The following LGSN variants were observed in gnomAD, a reference collection of about 807,000 sequenced individuals.
The protein encoded by LGSN is lengsin.
In LGSN, 21 loss-of-function variants were observed where a neutral mutation model predicts 19.5. That is an observed-to-expected ratio of 1.07 (90% CI 0.76 to 1.55). LGSN has a LOEUF of 1.55. Ranked by LOEUF, LGSN falls within the 40% of genes most tolerant of loss-of-function variation. The probability of loss-of-function intolerance (pLI) is 0.00; values close to 1 mark genes in which losing one functional copy is unlikely to be tolerated. For synonymous variants in LGSN, 257 were observed against 215.6 expected (o/e 1.19, Z -1.68); for missense variants, 673 against 608.5 (o/e 1.11, Z -1.12).
At chr6:63,412,761 A>AAGAC in the LGSN span, among the ~76,000 whole-genome samples, 3 of 20,052 alleles carry the variant, frequency 1.5e-4, 1 homozygote, top group African/African-American at 4.9e-4. Context: ...GAAAGAAAGA[A>AAGAC]AGAAAGAAAG....
the LGSN span, among the ~76,000 whole-genome samples, chr6:63,525,753 G>C: frequency 6.6e-6 from 1 of 152,086 alleles, no homozygotes; most frequent in African/African-American, 2.4e-5. Flanking sequence ...CTTTCCCTGT[G>C]TATTTGTTCC....
chr6:63,280,265 T>C lies in LGSN; in HGVS notation c.1286A>G (p.Asp429Gly), dbSNP rs968975103. Reference protein sequence around the residue: ...VLAATVAAGLDGLHSSNEVLA... With the variant: ...VLAATVAAGLGGLHSSNEVLA... ...GACCTCATTACTGCTATGAAGTCCA[T>C]CTAAGCCGGCAGCAACAGTTGCAGC... Residue 429 changes from aspartate (D) to glycine (G), a missense_variant, in exon 4 of 4, where the codon GAT becomes GGT. Transcript: ENST00000370657. The C allele has an allele frequency of 1.9e-6, 3 of 1,614,238 alleles. No individual in the cohort carries two copies. The highest frequency in any genetic ancestry group is 2.5e-6 in the Non-Finnish European group (3 of 1,180,034).
the LGSN span, among the ~76,000 whole-genome samples, chr6:63,477,721 A>G: frequency 1.9e-5 from 1 of 52,900 alleles, no homozygotes; most frequent in African/African-American, 7.0e-5. Context: ...TTTTGTAGAG[A>G]TGGGGTCTCA....
chr6:63,287,083 A>G (rs998599050), intron 2 of LGSN, among the ~76,000 whole-genome samples: 1 of 152,252 alleles, frequency 6.6e-6, no homozygotes, highest in African/African-American at 2.4e-5. Flanking sequence ...ATTAGGCTTT[A>G]AAACTAAGCA....
At chr6:63,382,503 A>G in the LGSN span, among the ~76,000 whole-genome samples, 1 of 152,166 alleles carries the variant, frequency 6.6e-6, no homozygotes, top group Non-Finnish European at 1.5e-5. Context: ...TTCTCTGTTG[A>G]CCACACTATG....
chr6:63,299,458 G>A (rs1427448283), intron 1 of LGSN, among the ~76,000 whole-genome samples: 1 of 152,030 alleles, frequency 6.6e-6, no homozygotes, highest in Non-Finnish European at 1.5e-5. Flanking sequence ...CAATATTTAG[G>A]TCTAAAGTCT....
chr6:63,360,563 A>T, the LGSN span, among the ~76,000 whole-genome samples: 1 of 152,018 alleles, frequency 6.6e-6, no homozygotes, highest in Non-Finnish European at 1.5e-5. Flanking sequence ...CCATTCATCT[A>T]ATCTTAAGGT....
At chr6:63,340,838 T>TTTTTTG in the LGSN span, among the ~76,000 whole-genome samples, 5 of 146,722 alleles carry the variant, frequency 3.4e-5, no homozygotes, top group African/African-American at 1.0e-4. Context: ...TTTTTATGGT[T>TTTTTTG]TGTGTGTGTG....
the LGSN span, among the ~76,000 whole-genome samples, chr6:63,354,414 G>A: frequency 0.011 from 1,704 of 152,038 alleles, 16 homozygotes; most frequent in Non-Finnish European, 0.016. Flanking sequence ...TAATCATCAG[G>A]GAAATGTAAA....
chr6:63,567,702 A>G, the LGSN span, among the ~76,000 whole-genome samples: 4 of 152,350 alleles, frequency 2.6e-5, no homozygotes, highest in East Asian at 7.7e-4. Flanking sequence ...CTGTCCTTCG[A>G]AGCTTTGAAG....
At chr6:63,537,520 G>C in the LGSN span, among the ~76,000 whole-genome samples, 3 of 152,190 alleles carry the variant, frequency 2.0e-5, no homozygotes, top group African/African-American at 7.2e-5. Flanking sequence ...CATTGCCTTA[G>C]AGCGTACCTT....
the LGSN span, among the ~76,000 whole-genome samples, chr6:63,437,190 G>C: frequency 6.9e-6 from 1 of 145,886 alleles, no homozygotes; most frequent in Admixed American, 6.9e-5. Flanking sequence ...GAAGGAGGGA[G>C]GGAGGGAGAC....
chr6:63,550,902 A>G, the LGSN span, among the ~76,000 whole-genome samples: 3 of 152,158 alleles, frequency 2.0e-5, no homozygotes, highest in Admixed American at 6.5e-5. Context: ...TTTGGATTAC[A>G]TGGATGAGCC....
At chr6:63,438,245 T>G in the LGSN span, among the ~76,000 whole-genome samples, 2 of 152,156 alleles carry the variant, frequency 1.3e-5, no homozygotes, top group Non-Finnish European at 2.9e-5. Flanking sequence ...AAACTGTCTC[T>G]ACAAAAAACA....
the LGSN span, among the ~76,000 whole-genome samples, chr6:63,512,729 G>A: frequency 6.6e-6 from 1 of 152,018 alleles, no homozygotes. Context: ...TTGTTAGTAT[G>A]GAAAAAGCAG....
chr6:63,473,659 A>G, the LGSN span, among the ~76,000 whole-genome samples: 2 of 151,650 alleles, frequency 1.3e-5, no homozygotes, highest in Admixed American at 6.6e-5. Context: ...GTTACGAAAC[A>G]GATGAATAAT....
chr6:63,491,574 A>C, the LGSN span, among the ~76,000 whole-genome samples: 2 of 152,250 alleles, frequency 1.3e-5, no homozygotes, highest in African/African-American at 4.8e-5. Context: ...TGGGCAGAAG[A>C]CACAAAAGAA....
chr6:63,322,334 A>G (rs141996989), upstream of LGSN, among the ~76,000 whole-genome samples: 190 of 152,322 alleles, frequency 1.2e-3, 3 homozygotes, highest in Non-Finnish European at 4.0e-4. Context: ...AACATGCCCA[A>G]TGAGACCAAG....
intron 1 of LGSN, among the ~76,000 whole-genome samples, chr6:63,317,921 T>C (rs1458166810): frequency 6.6e-6 from 1 of 152,186 alleles, no homozygotes; most frequent in Non-Finnish European, 1.5e-5. Context: ...ACTTGACATA[T>C]TACCCAGCTC....
Sources: gnomAD v4.1 joint callset for allele counts (sites outside exome capture counted in the v4.1 genomes callset) on GRCh38, gnomAD v4.1.1 for gene constraint, MANE v1.5 for transcripts, NCBI Gene and HGNC (gene_info 2026-07-23, HGNC 2026-07-21) for gene names.